Variants in CCDC171 observed in about 807,000 individuals in gnomAD.
CCDC171 encodes coiled-coil domain-containing protein 171.
Under a neutral mutation model 168.2 loss-of-function variants are expected in CCDC171, and 177 were observed. The ratio of observed to expected loss-of-function variants is 1.05; its 90% CI spans 0.93 to 1.19. The LOEUF (loss-of-function observed/expected upper bound fraction) is 1.19. Among genes scored for constraint, CCDC171 ranks in the 50% most tolerant of loss-of-function variants. CCDC171 has a pLI of 0.00. For synonymous variants in CCDC171, 687 were observed against 540.8 expected (o/e 1.27, Z -3.75); for missense variants, 1,991 against 1,539.0 (o/e 1.29, Z -4.91).
At chr9:15,660,793 G>T (rs1045312091) in intron 8 of CCDC171, among the ~76,000 whole-genome samples, 1 of 152,166 alleles carries the variant, frequency 6.6e-6, no homozygotes, top group Non-Finnish European at 1.5e-5. Flanking sequence ...ACATAAAAGT[G>T]CATGTGTTTT....
chr9:15,726,644 G>A (rs1056789047), intron 14 of CCDC171, among the ~76,000 whole-genome samples: 9 of 151,934 alleles, frequency 5.9e-5, no homozygotes, highest in Non-Finnish European at 1.2e-4. Flanking sequence ...AAAAAAGGTG[G>A]CATACATAGT....
intron 3 of CCDC171, among the ~76,000 whole-genome samples, chr9:15,998,801 A>G (rs1832446499): frequency 6.6e-6 from 1 of 151,796 alleles, no homozygotes. Context: ...ATGGAGGAGA[A>G]CTCCCTTCCC....
chr9:16,090,076 AC>A, the CCDC171 span, among the ~76,000 whole-genome samples: 1 of 152,220 alleles, frequency 6.6e-6, no homozygotes, highest in African/African-American at 2.4e-5. Context: ...CTGGGTATAT[AC>A]CCAAAGGATT....
At chr9:15,802,845 A>G (rs1487857069) in intron 21 of CCDC171, among the ~76,000 whole-genome samples, 2 of 152,096 alleles carry the variant, frequency 1.3e-5, no homozygotes, top group East Asian at 1.9e-4. Context: ...TGTCTTCCAC[A>G]TGGTCAAACT....
intron 3 of CCDC171, among the ~76,000 whole-genome samples, chr9:15,982,959 A>G (rs1179227259): frequency 1.3e-5 from 2 of 152,160 alleles, no homozygotes; most frequent in African/African-American, 2.4e-5. Context: ...AAAGTCACTC[A>G]AATATTAACA....
chr9:15,839,398 C>G (rs896680373), intron 21 of CCDC171, among the ~76,000 whole-genome samples: 4 of 152,092 alleles, frequency 2.6e-5, no homozygotes, highest in Non-Finnish European at 5.9e-5. Context: ...ACTAATACTA[C>G]TGTAGTACAG....
chr9:16,038,881 A>AAAAAAAAAAAG (rs1554714920), upstream of CCDC171, among the ~76,000 whole-genome samples: 1 of 135,090 alleles, frequency 7.4e-6, no homozygotes, highest in Non-Finnish European at 1.6e-5. Context: ...AAAAAAAAAA[A>AAAAAAAAAAAG]AAAGCTGAAT....
At chr9:15,600,123 C>G (rs912967530) in intron 6 of CCDC171, among the ~76,000 whole-genome samples, 1 of 152,192 alleles carries the variant, frequency 6.6e-6, no homozygotes, top group South Asian at 2.1e-4. Flanking sequence ...TTGTCTGAAG[C>G]CTTCTTCTCT....
intron 7 of CCDC171, among the ~76,000 whole-genome samples, chr9:15,643,038 C>G (rs1287009183): frequency 1.3e-5 from 2 of 151,538 alleles, no homozygotes; most frequent in Non-Finnish European, 2.9e-5. Context: ...TGTTTTTTTT[C>G]TCTCTGTGCC....
chr9:15,623,894 G>T (rs1300284185), intron 7 of CCDC171, among the ~76,000 whole-genome samples: 1 of 152,146 alleles, frequency 6.6e-6, no homozygotes, highest in Non-Finnish European at 1.5e-5. Context: ...TGAAAAACAG[G>T]ATTTTTATTC....
chr9:16,101,072 G>T, the CCDC171 span, among the ~76,000 whole-genome samples: 6 of 152,174 alleles, frequency 3.9e-5, no homozygotes, highest in African/African-American at 1.2e-4. Flanking sequence ...AGAGAAAGCC[G>T]GGCTGCAGAA....
rs1831420953 is a variant in CCDC171 at position 15,972,160 on chromosome 9, G to A, written c.*324G>A. 7.3e-6 allele frequency: 2 copies of A among 273,164 alleles called. No individual in the cohort carries two copies. The highest frequency in any genetic ancestry group is 5.7e-5 in the South Asian group (1 of 17,394). 16.9% of individuals were successfully genotyped at this position (273,164 alleles called of 1,614,324 possible). ...ATTTTAGTCTCTATCTATCAAAGTT[G>A]TTTCATACTTGTCTATTTTAAAGCA... On this transcript the variant is annotated 3_prime_UTR_variant, in exon 26 of 26. Transcript: ENST00000380701.
In CCDC171 at chr9:15,956,060, A is replaced by G. The variant is rs552574519; in HGVS notation, c.3754-15549A>G. ...TTCCTAATTACTTAGTAATTCATTC[A>G]AGATCTCTCCCTTCCTTGAACTTCT... On this transcript the variant is annotated intron_variant, in intron 25 of 25. Coordinates refer to ENST00000380701, the MANE Select transcript of CCDC171 (RefSeq NM_173550.4). Among the ~76,000 whole-genome samples the G allele has an allele frequency of 5.3e-5, 8 of 152,312 alleles. No homozygotes were observed. In the East Asian group the frequency reaches 1.4e-3, roughly 26 times the overall value.
intron 24 of CCDC171, among the ~76,000 whole-genome samples, chr9:15,917,280 T>C (rs1824660614): frequency 6.6e-6 from 1 of 151,914 alleles, no homozygotes; most frequent in South Asian, 2.1e-4. Context: ...AGGAGACTTT[T>C]GTTTAGAAGA....
intron 18 of CCDC171, among the ~76,000 whole-genome samples, chr9:15,777,389 T>G (rs1564386754): frequency 6.6e-6 from 1 of 152,188 alleles, no homozygotes; most frequent in African/African-American, 2.4e-5. Context: ...ACATGCAGAT[T>G]TTTTTTGATG....
At chr9:16,086,879 T>C in the CCDC171 span, among the ~76,000 whole-genome samples, 1 of 152,246 alleles carries the variant, frequency 6.6e-6, no homozygotes. Context: ...GTGCTATAAA[T>C]TTCCCTCTAA....
chr9:15,627,968 AC>A (rs1273443084), intron 7 of CCDC171, among the ~76,000 whole-genome samples: 1 of 151,740 alleles, frequency 6.6e-6, no homozygotes, highest in African/African-American at 2.4e-5. Context: ...CTTGGGTTAG[AC>A]CCTAAGAATC....
intron 21 of CCDC171, among the ~76,000 whole-genome samples, chr9:15,841,321 A>G (rs915274913): frequency 2.0e-5 from 3 of 152,096 alleles, no homozygotes; most frequent in African/African-American, 7.2e-5. Context: ...AAGTTGTCAT[A>G]TATAGGTGGA....
At chr9:15,588,655 A>G in intron 4 of CCDC171, 1 of 240,688 alleles carries the variant, frequency 4.2e-6, no homozygotes, top group South Asian at 7.0e-5. Flanking sequence ...TTTGGTGACT[A>G]TACAGTTTGA....
Sources: gnomAD v4.1 joint callset for allele counts (sites outside exome capture counted in the v4.1 genomes callset) on GRCh38, gnomAD v4.1.1 for gene constraint, MANE v1.5 for transcripts, NCBI Gene and HGNC (gene_info 2026-07-23, HGNC 2026-07-21) for gene names.